Variants in NFATC2 observed in about 807,000 individuals in gnomAD.
NFATC2 encodes nuclear factor of activated T cells 2, also known as nuclear factor of activated T-cells, cytoplasmic 2.
A neutral mutation model predicts 87.3 loss-of-function variants in NFATC2; 22 were observed. That is an observed-to-expected ratio of 0.25 (90% confidence interval 0.18 to 0.36). The LOEUF (loss-of-function observed/expected upper bound fraction) is 0.36. NFATC2 is among the 10% of genes least tolerant of loss of function. The pLI, the probability that NFATC2 is intolerant of heterozygous loss-of-function variation, is 1.00. For synonymous variants in NFATC2, 565 were observed against 542.2 expected (o/e 1.04, Z -0.58); for missense variants, 1,149 against 1,259.1 (o/e 0.91, Z 1.32).
At chr20:51,494,429 A>G (rs779469467) in intron 3 of NFATC2, among the ~76,000 whole-genome samples, 2 of 152,152 alleles carry the variant, frequency 1.3e-5, no homozygotes, top group Non-Finnish European at 2.9e-5. Context: ...GGCACACGTC[A>G]GTAATTCCCT....
At chr20:51,532,796 A>C (rs552173720) in intron 1 of NFATC2, among the ~76,000 whole-genome samples, 1 of 152,254 alleles carries the variant, frequency 6.6e-6, no homozygotes, top group Non-Finnish European at 1.5e-5. Context: ...TGACCAAAAT[A>C]GAAACCCAGC....
In NFATC2 at chr20:51,474,975, T is replaced by A. The variant is rs181734702; in HGVS notation, c.1535+483A>T. ...CTGACATATTATACTTTATTTATTTTTTTTTTTTTTTGAGACAGAGTCTCA... is the reference window on the plus strand; with the variant it reads ...CTGACATATTATACTTTATTTATTTATTTTTTTTTTTGAGACAGAGTCTCA... On this transcript the variant is annotated intron_variant, in intron 4 of 10. Coordinates refer to ENST00000371564, the MANE Select transcript of NFATC2 (RefSeq NM_012340.5). 5.8e-3 allele frequency among the ~76,000 whole-genome samples: 870 copies of A among 149,412 alleles called. 7 individuals are homozygous for A. Among genetic ancestry groups the A allele is most frequent in the Non-Finnish European group, 9.2e-3 (620 of 67,450 alleles).
rs748148486 is a variant in NFATC2 at position 51,475,560 on chromosome 20, C to T, written c.1433G>A (p.Arg478Gln). The change falls in exon 4 of 11, where the codon CGA (arginine) becomes CAA (glutamine). Residue 478 changes from arginine to glutamine, a missense_variant. Arg to Gln is a conservative substitution (Grantham distance 43, BLOSUM62 1). Around this residue, in one of 3 missense-constraint regions of NFATC2, gnomAD observed 581 missense variants for 649.7 expected, o/e 0.89. Coordinates refer to ENST00000371564, the MANE Select transcript of NFATC2 (RefSeq NM_012340.5). ...GGTGGTGACAGTTTTCCCCGTGATT[C>T]GGTGCACCTGGTAGAAGGCGTGCGG... ...LKPHAFYQVH[R>Q]ITGKTVTTTS... 7 of 1,614,074 alleles carry T rather than the reference C, an allele frequency of 4.3e-6. No homozygotes were observed. The South Asian group carries it at 5.5e-5, about 13-fold the overall frequency.
intron 9 of NFATC2, among the ~76,000 whole-genome samples, chr20:51,420,515 A>G (rs1469344584): frequency 6.6e-6 from 1 of 152,180 alleles, no homozygotes; most frequent in Non-Finnish European, 1.5e-5. Context: ...AGGATAAACA[A>G]CCTCATTTTT....
intron 10 of NFATC2, among the ~76,000 whole-genome samples, chr20:51,394,077 T>C (rs567139252): frequency 9.2e-5 from 14 of 152,306 alleles, no homozygotes; most frequent in Non-Finnish European, 5.9e-5. Flanking sequence ...CTTCTTGCTA[T>C]TGGGGGTGGT....
At chr20:51,482,218 C>T (rs1330945395) in intron 3 of NFATC2, among the ~76,000 whole-genome samples, 3 of 152,018 alleles carry the variant, frequency 2.0e-5, no homozygotes, top group African/African-American at 4.8e-5. Context: ...ATGGCCTCCA[C>T]GTGTCAAAGA....
chr20:51,458,345 C>A (rs556689022), intron 5 of NFATC2, among the ~76,000 whole-genome samples: 4 of 152,150 alleles, frequency 2.6e-5, no homozygotes, highest in African/African-American at 9.6e-5. Context: ...GAGCACCCTA[C>A]CCCCCAGCTG....
chr20:51,422,827 G>A (rs1409634828), intron 9 of NFATC2, among the ~76,000 whole-genome samples: 1 of 152,092 alleles, frequency 6.6e-6, no homozygotes, highest in Non-Finnish European at 1.5e-5. Context: ...TATCAAGGGT[G>A]GGAAGGGAAG....
intron 5 of NFATC2, among the ~76,000 whole-genome samples, chr20:51,460,072 A>T (rs1232166627): frequency 6.6e-6 from 1 of 152,252 alleles, no homozygotes; most frequent in African/African-American, 2.4e-5. Context: ...GCCCATGCTT[A>T]GCACACAGTA....
At chr20:51,425,710 C>G (rs1220251010) in intron 9 of NFATC2, among the ~76,000 whole-genome samples, 2 of 152,248 alleles carry the variant, frequency 1.3e-5, no homozygotes, top group African/African-American at 4.8e-5. Flanking sequence ...TTACAAAACA[C>G]TTTTCCATCG....
upstream of NFATC2, chr20:51,562,816 T>A (rs996167558): frequency 3.6e-6 from 2 of 552,048 alleles, no homozygotes; most frequent in Non-Finnish European, 6.4e-6. This position sits in a 1 kb window ranked among gnomAD's most constrained non-coding sequence, Gnocchi z 5.8. Context: ...GGCTCCGCGA[T>A]CCGGCTTACT....
At position 51,467,944 on chromosome 20, in the gene NFATC2, T is replaced by A. The variant is rs76368139; in HGVS notation, c.1708+6036A>T. On this transcript the variant is annotated intron_variant, in intron 5 of 10. Coordinates refer to ENST00000371564, the MANE Select transcript of NFATC2 (RefSeq NM_012340.5). ...TCTATCAATGGTAAATAAACAATTGTTATATTCATGCAATTGAATAGTAGT... is the reference window on the plus strand; with the variant it reads ...TCTATCAATGGTAAATAAACAATTGATATATTCATGCAATTGAATAGTAGT... Among the ~76,000 whole-genome samples, 1,472 of 152,298 alleles carry A rather than the reference T, an allele frequency of 9.7e-3. 53 individuals are homozygous for A. The East Asian group carries it at 0.13, about 13-fold the overall frequency.
At chr20:51,509,871 C>T (rs1426756185) in intron 3 of NFATC2, among the ~76,000 whole-genome samples, 1 of 152,238 alleles carries the variant, frequency 6.6e-6, no homozygotes, top group Non-Finnish European at 1.5e-5. Context: ...CCAGCTCCTC[C>T]AGCCCAGGAG....
intron 3 of NFATC2, among the ~76,000 whole-genome samples, chr20:51,500,833 ACCC>A (rs1400060360): frequency 2.7e-4 from 1 of 3,702 alleles, no homozygotes; most frequent in African/African-American, 1.6e-3. Context: ...CCTCACCCCC[ACCC>A]CCACCCTCAC....
At chr20:51,435,380 C>A in intron 7 of NFATC2, 66 bp from the exon 8 acceptor site, 4 of 1,603,410 alleles carry the variant, frequency 2.5e-6, no homozygotes, top group African/African-American at 1.3e-5. Context: ...AGACCCTAAG[C>A]GCATCCAGGC....
chr20:51,477,731 C>T (rs887289357), intron 3 of NFATC2, among the ~76,000 whole-genome samples: 4 of 151,750 alleles, frequency 2.6e-5, no homozygotes, highest in African/African-American at 9.7e-5. Context: ...GGTGACAACT[C>T]ACGAAGACCC....
chr20:51,500,589 C>T (rs1374486276), intron 3 of NFATC2, among the ~76,000 whole-genome samples: 2 of 150,270 alleles, frequency 1.3e-5, no homozygotes, highest in Non-Finnish European at 3.0e-5. Flanking sequence ...GGTTGCACAG[C>T]GAGGCTCAGG....
At chr20:51,484,131 T>C (rs1341967996) in intron 3 of NFATC2, among the ~76,000 whole-genome samples, 1 of 141,400 alleles carries the variant, frequency 7.1e-6, no homozygotes, top group Non-Finnish European at 1.5e-5. Flanking sequence ...ACAGCCACAC[T>C]GGCCTTGTCA....
At chr20:51,537,444 G>A (rs1458323240) in intron 1 of NFATC2, among the ~76,000 whole-genome samples, 2 of 152,140 alleles carry the variant, frequency 1.3e-5, no homozygotes. Flanking sequence ...GTGATCAGAA[G>A]GAACCAGTTT....
Sources: allele counts gnomAD v4.1 joint callset (sites outside exome capture counted in the v4.1 genomes callset), GRCh38; gene constraint gnomAD v4.1.1; regional missense constraint gnomAD v4.1.1; non-coding constraint Gnocchi (gnomAD v3.1); transcripts MANE v1.5; gene names NCBI Gene and HGNC (gene_info 2026-07-23, HGNC 2026-07-21).